The following ADPRS variants were observed in gnomAD, a reference collection of about 807,000 sequenced individuals.
ADPRS encodes ADP-ribosylserine hydrolase.
ADPRS carries 25 observed loss-of-function variants against 32.1 expected under a neutral mutation model. The observed-to-expected ratio is 0.78, with a 90% confidence interval of 0.57 to 1.09. The LOEUF is 1.09. Ranked by LOEUF, ADPRS falls within the 50% of genes least tolerant of loss-of-function variation. The pLI is 0.00. For synonymous variants in ADPRS, 225 were observed against 201.0 expected (o/e 1.12, Z -1.01); for missense variants, 482 against 480.6 (o/e 1.00, Z -0.03).
rs1255272023 is a variant in ADPRS at position 36,089,087 on chromosome 1, C to T, written c.183C>T (p.Asp61=). ...VLRHVQSLEP[D]PGTPGSERTE... is the part of the protein sequence containing the mutation. Reference sequence around the variant, plus strand: ...GTCATGTCCAGAGTCTGGAGCCGGACCCCGGCACGCCCGGGAGTGAGCGGA... The same window carrying T: ...GTCATGTCCAGAGTCTGGAGCCGGATCCCGGCACGCCCGGGAGTGAGCGGA... Residue 61 remains aspartate (D), a synonymous_variant, in exon 1 of 6, where the codon GAC becomes GAT. Coordinates refer to ENST00000373178, the MANE Select transcript of ADPRS (RefSeq NM_017825.3). 2 of 1,431,612 alleles carry T rather than the reference C, an allele frequency of 1.4e-6. No homozygotes were observed. Among genetic ancestry groups the T allele is most frequent in the Non-Finnish European group, 1.8e-6 (2 of 1,094,878 alleles). The allele number at this position is 1,431,612 out of a possible 1,614,324, so 88.7% of individuals were successfully genotyped here.
intron 5 of ADPRS, among the ~76,000 whole-genome samples, chr1:36,092,880 G>C (rs1643503953): frequency 6.6e-6 from 1 of 152,228 alleles, no homozygotes; most frequent in South Asian, 2.1e-4. Context: ...GTCTGCTTAA[G>C]GAGTTGAATC....
In ADPRS at chr1:36,091,360, G is replaced by T; in HGVS notation, c.308+20G>T. ...TCACAGGTGAGGGGGATGGTCCTGG[G>T]CTGAGGCAAACCAGGTGGGAAAGTT... On this transcript the variant is annotated intron_variant, in intron 2 of 5. Transcript: ENST00000373178. 1 of 1,611,014 alleles carries T rather than the reference G, an allele frequency of 6.2e-7. No individual in the cohort carries two copies. The highest frequency in any genetic ancestry group is 8.5e-7 in the Non-Finnish European group (1 of 1,177,402).
chr1:36,093,491 T>C lies in ADPRS; in HGVS notation c.*105T>C. On this transcript the variant is annotated 3_prime_UTR_variant, in exon 6 of 6. Coordinates refer to ENST00000373178, the MANE Select transcript of ADPRS (RefSeq NM_017825.3). ...AGTGTGGCTTCCCACTTTTCCTGCA[T>C]TGTGGAGCTGACTGAGTACACCGGT... is the stretch of plus-strand genomic sequence containing the variant. The C allele has an allele frequency of 6.9e-7, 1 of 1,449,314 alleles. No homozygotes were observed. Among genetic ancestry groups the C allele is most frequent in the South Asian group, 1.3e-5 (1 of 74,748 alleles). 89.8% of individuals were successfully genotyped at this position (1,449,314 alleles called of 1,614,324 possible). A position where few individuals can be genotyped will look rare whatever the true frequency, so the allele number is the denominator to read the frequency against.
chr1:36,091,533 T>C (rs1442484407), intron 2 of ADPRS, 85 bp from the exon 3 acceptor site: 5 of 1,399,534 alleles, frequency 3.6e-6, no homozygotes, highest in Non-Finnish European at 4.9e-6. Context: ...GCTTTCTCTT[T>C]TTCCAAACTA....
chr1:36,093,021 C>A, intron 5 of ADPRS, 76 bp from the exon 6 acceptor site: 1 of 1,489,648 alleles, frequency 6.7e-7, no homozygotes, highest in Non-Finnish European at 9.2e-7. Flanking sequence ...CTGCTTGAAG[C>A]CGAGAGTGCT....
chr1:36,092,165 A>C (rs920041760), intron 4 of ADPRS, 71 bp downstream of exon 4: 1 of 1,520,078 alleles, frequency 6.6e-7, no homozygotes, highest in African/African-American at 1.4e-5. Context: ...ATTGCCGCAA[A>C]CTGTAAACCT....
intron 1 of ADPRS, among the ~76,000 whole-genome samples, chr1:36,090,872 A>C (rs1643471209): frequency 1.3e-5 from 2 of 151,858 alleles, no homozygotes; most frequent in African/African-American, 2.4e-5. Flanking sequence ...ATATAAACTA[A>C]AATAAAAGGT....
In ADPRS at chr1:36,092,466, T is replaced by C. The variant is rs762515954; in HGVS notation, c.746T>C (p.Ile249Thr). 9 of 1,614,126 alleles carry C rather than the reference T, an allele frequency of 5.6e-6. No homozygotes were observed. The highest frequency in any genetic ancestry group is 1.1e-5 in the South Asian group (1 of 91,084). The change falls in exon 5 of 6, where the codon ATT becomes ACT. Residue 249 changes from isoleucine (I) to threonine (T), a missense_variant. By Grantham distance (89) the Ile-to-Thr change is moderately conservative. Transcript: ENST00000373178. ...ERPYSSRLKK[I>T]GELLDQASVT... ...CCATACTCCAGCCGCCTGAAGAAGA[T>C]TGGAGAGCTTCTAGACCAGGCATCG...
At chr1:36,090,712 C>T (rs1432428150) in intron 1 of ADPRS, among the ~76,000 whole-genome samples, 4 of 134,594 alleles carry the variant, frequency 3.0e-5, no homozygotes, top group African/African-American at 1.1e-4. Flanking sequence ...AAAAGCCAGG[C>T]GCAGTGGTGT....
intron 1 of ADPRS, 140 bp downstream of exon 1, chr1:36,089,255 C>T: frequency 2.0e-6 from 2 of 987,090 alleles, no homozygotes; most frequent in Non-Finnish European, 2.8e-6. Flanking sequence ...GACCCGCAGA[C>T]AGCTTGAGCT....
At chr1:36,093,016 T>C in intron 5 of ADPRS, 81 bp from the exon 6 acceptor site, 1 of 1,471,042 alleles carries the variant, frequency 6.8e-7, no homozygotes, top group Non-Finnish European at 9.3e-7. Flanking sequence ...ACAGCCTGCT[T>C]GAAGCCGAGA....
Position 36,093,312 on chromosome 1 carries a change from C to T in ADPRS, c.1018C>T (p.Gln340Ter). ...YGMDQVPESW[Q>*]QSCEGYEETD... ...GATGGATCAGGTGCCAGAGAGCTGG[C>T]AGCAAAGCTGTGAAGGCTACGAGGA... Residue 340 changes from glutamine to a stop codon, truncating the protein, a stop_gained, in exon 6 of 6, where the codon CAG becomes TAG. Transcript: ENST00000373178. LOFTEE classifies it high-confidence loss of function. 1 of 1,614,252 alleles carries T rather than the reference C, an allele frequency of 6.2e-7. No homozygotes were observed. The highest frequency in any genetic ancestry group is 8.5e-7 in the Non-Finnish European group (1 of 1,180,052).
rs370646785 is a variant in ADPRS at position 36,091,978 on chromosome 1, C to T, written c.585C>T (p.Ala195=). Reference sequence around the variant, plus strand: ...GTTACAATGGCGCCATCCTGCAGGCCCTGGCTGTGCACCTGGCCTTGCAGG... The same window carrying T: ...GTTACAATGGCGCCATCCTGCAGGCTCTGGCTGTGCACCTGGCCTTGCAGG... The part of the protein sequence containing the change: ...SLGYNGAILQ[A]LAVHLALQGE... The change falls in exon 4 of 6, where the codon GCC becomes GCT. Residue 195 remains alanine (A), a synonymous_variant. Transcript: ENST00000373178. 4.3e-6 allele frequency: 7 copies of T among 1,613,986 alleles called. No homozygotes were observed. The highest frequency in any genetic ancestry group is 2.2e-5 in the East Asian group (1 of 44,878).
Position 36,091,200 on chromosome 1 carries a change from C to A in ADPRS, c.212-44C>A, listed in dbSNP as rs922961537. On this transcript the variant is annotated intron_variant, in intron 1 of 5. Coordinates refer to ENST00000373178, the MANE Select transcript of ADPRS (RefSeq NM_017825.3). ...AAGCAAAAAACAACAACAAAAAAAA[C>A]AAAGGTGAGCAGGAGGCTCTCATCC... The A allele has an allele frequency of 3.9e-6, 6 of 1,551,716 alleles. No individual in the cohort carries two copies. In the East Asian group the frequency reaches 6.8e-5, roughly 18 times the overall value.
At chr1:36,090,864 A>G (rs188310038) in intron 1 of ADPRS, among the ~76,000 whole-genome samples, 12 of 152,028 alleles carry the variant, frequency 7.9e-5, no homozygotes, top group African/African-American at 2.2e-4. Context: ...AAATAATAAT[A>G]TAAACTAAAA....
chr1:36,092,139 C>A, intron 4 of ADPRS, 45 bp downstream of exon 4: 1 of 1,549,016 alleles, frequency 6.5e-7, no homozygotes, highest in East Asian at 2.3e-5. Context: ...TGTGGGTGAT[C>A]CAGGGGGCCT....
rs948161469 is a variant in ADPRS at position 36,088,941 on chromosome 1, G to C, written c.37G>C (p.Gly13Arg). The C allele has an allele frequency of 1.3e-6, 2 of 1,522,882 alleles. No individual in the cohort carries two copies. Among genetic ancestry groups the C allele is most frequent in the Middle Eastern group, 2.1e-4 (1 of 4,870 alleles). The allele number at this position is 1,522,882 out of a possible 1,614,324, so 94.3% of individuals were successfully genotyped here. A position where few individuals can be genotyped will look rare whatever the true frequency, so the allele number is the denominator to read the frequency against. ...GGCGATGGCGGCAGCGGCAGGTGGA[G>C]GGGCTGGCGCGGCCCGCTCCCTCTC... ...AAAMAAAAGG[G>R]AGAARSLSRF... The change falls in exon 1 of 6, where the codon GGG (glycine) becomes CGG (arginine). Residue 13 changes from glycine to arginine, a missense_variant. Physicochemically the swap from Gly to Arg is moderately radical, Grantham distance 125. Coordinates refer to ENST00000373178, the MANE Select transcript of ADPRS (RefSeq NM_017825.3).
chr1:36,088,957 G>T lies in ADPRS; in HGVS notation c.53G>T (p.Arg18Leu), dbSNP rs979224330. The change falls in exon 1 of 6, where the codon CGC (arginine) becomes CTC (leucine). Residue 18 changes from arginine to leucine, a missense_variant. Coordinates refer to ENST00000373178, the MANE Select transcript of ADPRS (RefSeq NM_017825.3). ...GCAGGTGGAGGGGCTGGCGCGGCCC[G>T]CTCCCTCTCGCGCTTCCGAGGCTGC... ...AAAGGGAGAA[R>L]SLSRFRGCLA... 1.2e-5 allele frequency: 18 copies of T among 1,507,352 alleles called. No homozygotes were observed. Among genetic ancestry groups the T allele is most frequent in the South Asian group, 2.5e-5 (2 of 79,566 alleles). 93.4% of individuals were successfully genotyped at this position (1,507,352 alleles called of 1,614,324 possible).
chr1:36,092,667 G>A (rs1557734103), intron 5 of ADPRS, 145 bp downstream of exon 5: 3 of 736,510 alleles, frequency 4.1e-6, no homozygotes, highest in East Asian at 5.4e-5. Context: ...TGAGCTCAGC[G>A]CTTCTTGCTC....
Sources: gnomAD v4.1 joint callset for allele counts (sites outside exome capture counted in the v4.1 genomes callset) on GRCh38, gnomAD v4.1.1 for gene constraint, MANE v1.5 for transcripts, NCBI Gene and HGNC (gene_info 2026-07-23, HGNC 2026-07-21) for gene names.